HUWE1: variants seen among roughly 807,000 people sequenced by gnomAD.
HUWE1 encodes E3 ubiquitin-protein ligase HUWE1.
Under a neutral mutation model 299.4 loss-of-function variants are expected in HUWE1, and 18 were observed. That is an observed-to-expected ratio of 0.06 (90% CI 0.04 to 0.09). HUWE1 has a LOEUF of 0.09. HUWE1 is among the 10% of genes least tolerant of loss of function. HUWE1 has a pLI of 1.00. For missense variants in HUWE1, 1,832 were observed against 3,462.3 expected, an observed-to-expected ratio of 0.53 and a Z score of 11.82; for synonymous variants, 1,317 against 1,286.1, an observed-to-expected ratio of 1.02 and a Z score of -0.51.
chrX:53,599,400 C>T (rs1399700108), intron 29 of HUWE1, among the ~76,000 whole-genome samples: 1 of 111,817 alleles, frequency 8.9e-6, no homozygotes, highest in Non-Finnish European at 1.9e-5. Flanking sequence ...CCAGATTCCT[C>T]TAAGTTAGGT....
chrX:53,600,049 C>A, intron 29 of HUWE1, 69 bp downstream of exon 29: 1 of 991,903 alleles, frequency 1.0e-6, no homozygotes, highest in Non-Finnish European at 1.4e-6. Flanking sequence ...CATAGCCTTT[C>A]CAACTCAATC....
At chrX:53,550,630 G>C (rs1556927742) in intron 66 of HUWE1, 36 bp downstream of exon 66, 1 of 1,127,534 alleles carries the variant, frequency 8.9e-7, no homozygotes, top group South Asian at 1.8e-5. Flanking sequence ...ATAGACTTGA[G>C]TGGTGATATG....
chrX:53,548,603 T>C (rs2061645199), intron 67 of HUWE1, among the ~76,000 whole-genome samples: 1 of 112,387 alleles, frequency 8.9e-6, no homozygotes, highest in African/African-American at 3.3e-5. Context: ...AGGCAGGCCT[T>C]TGATAGATGG....
chrX:53,647,016 G>GA (rs1557036501), intron 6 of HUWE1, among the ~76,000 whole-genome samples: 1 of 111,724 alleles, frequency 9.0e-6, no homozygotes, highest in African/African-American at 3.3e-5. Flanking sequence ...AATGTGATGA[G>GA]AAAATCAAAC....
chrX:53,586,540 A>T lies in HUWE1; in HGVS notation c.4774T>A (p.Phe1592Ile). The T allele has an allele frequency of 8.3e-7, 1 of 1,207,637 alleles. No homozygotes were observed. Among genetic ancestry groups the T allele is most frequent in the Non-Finnish European group, 1.1e-6 (1 of 892,132 alleles). Residue 1592 changes from phenylalanine (F) to isoleucine (I), a missense_variant, in exon 39 of 84, where the codon TTC becomes ATC. Physicochemically the swap from Phe to Ile is conservative, Grantham distance 21 (BLOSUM62 0). This residue lies in a region of HUWE1 where 658 missense variants were observed against 1,282.6 expected (regional missense o/e 0.51). Transcript: ENST00000262854. ...GAGGAGATGGCTGTCTTTTCATAGA[A>T]ATCAATCAGGAGCAACACTGGTGTG... The part of the protein sequence containing the change: ...WITPVLLLID[F>I]YEKTAISSKR...
At chrX:53,682,969 G>T (rs2070255455) in intron 2 of HUWE1, among the ~76,000 whole-genome samples, 1 of 112,055 alleles carries the variant, frequency 8.9e-6, no homozygotes, top group Admixed American at 9.4e-5. Flanking sequence ...TGGTTTAGCA[G>T]CATGCAGAGC....
intron 43 of HUWE1, among the ~76,000 whole-genome samples, chrX:53,577,522 C>CCTCTCTCTCCCT (rs1484871911): frequency 3.7e-5 from 3 of 80,726 alleles, no homozygotes; most frequent in Non-Finnish European, 4.8e-5. Flanking sequence ...TCTCCCTCTC[C>CCTCTCTCTCCCT]CTCCCTCTCC....
intron 19 of HUWE1, among the ~76,000 whole-genome samples, chrX:53,620,902 C>A (rs969725315): frequency 2.4e-4 from 27 of 111,401 alleles, no homozygotes; most frequent in African/African-American, 8.2e-4. Flanking sequence ...TAAGACTATG[C>A]AGAAGGTCTC....
At chrX:53,563,033 T>A in intron 52 of HUWE1, 104 bp from the exon 53 acceptor site, 1 of 662,192 alleles carries the variant, frequency 1.5e-6, no homozygotes, top group Non-Finnish European at 2.4e-6. Flanking sequence ...ATCCACTTTT[T>A]TTTGGATGAG....
At chrX:53,609,760 G>C (rs1266663127) in intron 23 of HUWE1, among the ~76,000 whole-genome samples, 1 of 112,185 alleles carries the variant, frequency 8.9e-6, no homozygotes, top group East Asian at 2.8e-4. Context: ...TTGGGCACAG[G>C]GTGCAGGAGA....
intron 3 of HUWE1, among the ~76,000 whole-genome samples, chrX:53,663,332 G>A (rs1473031426): frequency 2.7e-5 from 3 of 112,357 alleles, no homozygotes; most frequent in African/African-American, 3.2e-5. Flanking sequence ...GACCAACATG[G>A]TGAAACCCCG....
At chrX:53,665,071 T>C (rs782073969) in intron 3 of HUWE1, among the ~76,000 whole-genome samples, 1 of 111,669 alleles carries the variant, frequency 9.0e-6, no homozygotes, top group African/African-American at 3.3e-5. Context: ...TATTAAGTGG[T>C]AAAACGTGGA....
rs140504521 is a variant in HUWE1 at position 53,612,817 on chromosome X, C to T, written c.2261+1717G>A. 5.7e-3 allele frequency among the ~76,000 whole-genome samples: 640 copies of T among 111,455 alleles called. 6 individuals carry two copies. Among genetic ancestry groups the T allele is most frequent in the Middle Eastern group, 0.014 (3 of 217 alleles). On this transcript the variant is annotated intron_variant, in intron 23 of 83. Transcript: ENST00000262854. ...AATGGGGATGGCTGTGGATAGAACACAGTGATACATGATAGCCCAAGAAAG... is the reference window on the plus strand; with the variant it reads ...AATGGGGATGGCTGTGGATAGAACATAGTGATACATGATAGCCCAAGAAAG...
chrX:53,593,316 G>T lies in HUWE1; in HGVS notation c.3741+48C>A, dbSNP rs150726824. The T allele has an allele frequency of 2.4e-3, 2,136 of 906,910 alleles. 35 individuals carry two copies. In the African/African-American group the frequency reaches 0.038, roughly 16 times the overall value. 74.7% of individuals were successfully genotyped at this position (906,910 alleles called of 1,213,427 possible). On this transcript the variant is annotated intron_variant, in intron 32 of 83. Coordinates refer to ENST00000262854, the MANE Select transcript of HUWE1 (RefSeq NM_031407.7). ...AAGCAGGACAAAATAGAGTGGGAAC[G>T]ACTTAGCATGAGAAATTCCTTTTGA...
chrX:53,652,276 C>T (rs1420919986), intron 4 of HUWE1, among the ~76,000 whole-genome samples: 1 of 111,850 alleles, frequency 8.9e-6, no homozygotes, highest in Non-Finnish European at 1.9e-5. Flanking sequence ...AGTAAACATT[C>T]ACCTACATGT....
intron 27 of HUWE1, 82 bp downstream of exon 27, chrX:53,603,286 C>T: frequency 9.9e-7 from 1 of 1,015,194 alleles, no homozygotes; most frequent in South Asian, 2.0e-5. Context: ...TCTTCCATAC[C>T]CTCCTATCCC....
chrX:53,539,064 G>A lies in HUWE1; in HGVS notation c.11649C>T (p.Val3883=), dbSNP rs781968871. 10 of 1,206,992 alleles carry A rather than the reference G, an allele frequency of 8.3e-6. No individual in the cohort carries two copies. Among genetic ancestry groups the A allele is most frequent in the African/African-American group, 5.3e-5 (3 of 56,802 alleles). The part of the protein sequence containing the change: ...QHAVLVLQPA[V]EAFFLVHATE... ...TGGCATGGACCAGAAAGAAGGCCTC[G>A]ACAGCAGGCTGTAGCACTAGGGTTA... Residue 3883 remains valine, a synonymous_variant, in exon 76 of 84, where the codon GTC becomes GTT. Transcript: ENST00000262854.
At chrX:53,683,274 G>A (rs1032639911) in intron 2 of HUWE1, among the ~76,000 whole-genome samples, 1 of 110,905 alleles carries the variant, frequency 9.0e-6, no homozygotes, top group African/African-American at 3.3e-5. Flanking sequence ...AATTAGGAGG[G>A]GTGTGGGGAG....
intron 19 of HUWE1, among the ~76,000 whole-genome samples, chrX:53,620,555 T>A (rs1157426154): frequency 8.9e-6 from 1 of 111,883 alleles, no homozygotes; most frequent in Non-Finnish European, 1.9e-5. Flanking sequence ...CCATCTGTTG[T>A]ACTGTTCACA....
Sources: allele counts gnomAD v4.1 joint callset (sites outside exome capture counted in the v4.1 genomes callset), GRCh38; gene constraint gnomAD v4.1.1; regional missense constraint gnomAD v4.1.1; transcripts MANE v1.5; gene names NCBI Gene and HGNC (gene_info 2026-07-23, HGNC 2026-07-21).